Variants in PLXNA1 observed in about 807,000 individuals in gnomAD.
PLXNA1 encodes the protein plexin-A1.
PLXNA1 carries 77 observed loss-of-function variants against 191.7 expected under a neutral mutation model. The ratio of observed to expected loss-of-function variants is 0.40; its 90% confidence interval spans 0.33 to 0.49. The LOEUF is 0.49. Among genes scored for constraint, PLXNA1 ranks in the 20% least tolerant of loss-of-function variants. The pLI is 0.63. For synonymous variants in PLXNA1, 1,137 were observed against 1,156.4 expected (o/e 0.98, Z 0.34); for missense variants, 2,110 against 2,660.2 (o/e 0.79, Z 4.55).
rs944326706 is a variant in PLXNA1, at chr3:127,014,510, C to T, written c.2637C>T (p.Gly879=). 3 of 1,606,796 alleles carry T rather than the reference C, an allele frequency of 1.9e-6. No homozygotes were observed. In the African/African-American group the frequency reaches 4.0e-5, roughly 21 times the overall value. The part of the protein sequence containing the change: ...LSPETGPRQG[G]TRLTITGENL... The stretch of plus-strand genomic sequence containing the variant: ...CCGAGACGGGCCCGAGGCAGGGCGG[C>T]ACGCGGCTCACTATCACAGGCGAGA... Residue 879 remains glycine, a synonymous_variant, in exon 13 of 32, where the codon GGC becomes GGT. Transcript: ENST00000393409.
At position 127,029,778 on chromosome 3, in the gene PLXNA1, T is replaced by C. The variant is rs1039735960; in HGVS notation, c.4871-96T>C. On this transcript the variant is annotated intron_variant, in intron 27 of 31. Coordinates refer to ENST00000393409, the MANE Select transcript of PLXNA1 (RefSeq NM_032242.4). ...CGGCTGCCCCAAAATCCCACATGGG[T>C]GGGGGTGCCATCCCCAGCTTTCAGA... is the stretch of plus-strand genomic sequence containing the variant. The C allele has an allele frequency of 1.2e-5, 16 of 1,381,494 alleles. No homozygotes were observed. In the African/African-American group the frequency reaches 2.3e-4, roughly 20 times the overall value. 85.6% of individuals were successfully genotyped at this position (1,381,494 alleles called of 1,614,324 possible). A position where few individuals can be genotyped will look rare whatever the true frequency, so the allele number is the denominator to read the frequency against.
Position 127,015,244 on chromosome 3 carries a change from G to T in PLXNA1, c.2938G>T (p.Gly980Cys), listed in dbSNP as rs1196923651. The change falls in exon 15 of 32, where the codon GGC (glycine) becomes TGC (cysteine). Residue 980 changes from glycine to cysteine, a missense_variant. This residue lies in a region of PLXNA1 where 644 missense variants were observed against 714.3 expected (regional missense o/e 0.90). Coordinates refer to ENST00000393409, the MANE Select transcript of PLXNA1 (RefSeq NM_032242.4). ...RGPLSGGTWI[G>C]IEGSHLNAGS... ...GCCTCTGTCAGGGGGCACCTGGATT[G>T]GCATCGAGGGAAGCCACCTGAACGC... 1.9e-6 allele frequency: 3 copies of T among 1,613,536 alleles called. No homozygotes were observed. Among genetic ancestry groups the T allele is most frequent in the Non-Finnish European group, 2.5e-6 (3 of 1,179,910 alleles).
chr3:127,011,952 C>G lies in PLXNA1; in HGVS notation c.2113-6C>G, dbSNP rs762997781. 8.1e-6 allele frequency: 13 copies of G among 1,611,870 alleles called. No homozygotes were observed. The African/African-American group carries it at 1.7e-4, about 22-fold the overall frequency. On this transcript the variant is annotated splice_region_variant and splice_polypyrimidine_tract_variant and intron_variant, in intron 9 of 31. Transcript: ENST00000393409. ...CCGGGCTCAGCCAAACTCTTCTTATCCCCAGGACTGCCCACAGATCCTGCC... is the reference window on the plus strand; with the variant it reads ...CCGGGCTCAGCCAAACTCTTCTTATGCCCAGGACTGCCCACAGATCCTGCC...
chr3:126,998,261 G>T (rs1243369355), intron 3 of PLXNA1, among the ~76,000 whole-genome samples: 1 of 152,214 alleles, frequency 6.6e-6, no homozygotes, highest in South Asian at 2.1e-4. Context: ...AGCTGGATGG[G>T]GGGTAGGTGC....
chr3:127,016,637 C>T lies in PLXNA1; in HGVS notation c.3135C>T (p.Thr1045=), dbSNP rs41266469. 318 of 1,614,008 alleles carry T rather than the reference C, an allele frequency of 2.0e-4. No individual in the cohort carries two copies. Among genetic ancestry groups the T allele is most frequent in the South Asian group, 7.8e-4 (71 of 91,084 alleles). Residue 1045 remains threonine, a synonymous_variant, in exon 16 of 32, where the codon ACC becomes ACT. Coordinates refer to ENST00000393409, the MANE Select transcript of PLXNA1 (RefSeq NM_032242.4). ...ACCCTGAGGTGAAGTACAACTACACCGAGGACCCCACCATCCTGAGGATCG... is the reference window on the plus strand; with the variant it reads ...ACCCTGAGGTGAAGTACAACTACACTGAGGACCCCACCATCCTGAGGATCG... ...LTNPEVKYNY[T]EDPTILRIDP... is the part of the protein sequence containing the mutation.
intron 1 of PLXNA1, among the ~76,000 whole-genome samples, 61 bp downstream of exon 1, chr3:126,983,348 G>A (rs1283529131): frequency 1.4e-5 from 2 of 144,920 alleles, no homozygotes; most frequent in South Asian, 2.1e-4. Context: ...GGGCCGGGCT[G>A]GGGTCCGGGG....
At position 127,014,814 on chromosome 3, in the gene PLXNA1, A is replaced by T; in HGVS notation, c.2860A>T (p.Lys954Ter). 6.2e-7 allele frequency: 1 copy of T among 1,612,502 alleles called. No homozygotes were observed. The change falls in exon 14 of 32, where the codon AAG (lysine) becomes TAG (stop). Residue 954 changes from lysine (K) to a stop codon, truncating the protein, a stop_gained. Transcript: ENST00000393409. LOFTEE classifies it high-confidence loss of function. ...CSPHYRALSP[K>*]RFTFVTPTFY... is the part of the protein sequence containing the mutation. ...ACCACACTACCGCGCCCTGTCACCC[A>T]AGCGCTTCACCTTCGTGGTGAGTCT...
chr3:126,992,276 G>C (rs1226529147), intron 3 of PLXNA1, among the ~76,000 whole-genome samples: 5 of 152,136 alleles, frequency 3.3e-5, no homozygotes, highest in African/African-American at 7.2e-5. Context: ...GGCTGGCCTG[G>C]TGTGGAGGAA....
In PLXNA1 at chr3:126,989,549, G is replaced by A. The variant is rs377693045; in HGVS notation, c.956G>A (p.Arg319Gln). The change falls in exon 2 of 32, where the codon CGG becomes CAG. Residue 319 changes from arginine to glutamine, a missense_variant. Arg to Gln is a conservative substitution (Grantham distance 43). Coordinates refer to ENST00000393409, the MANE Select transcript of PLXNA1 (RefSeq NM_032242.4). ...CTGGTGCAGGATGCCTACCTGAGCC[G>A]GCCCGGCCGTGCCCTGGCCCACCAG... ...YRLVQDAYLS[R>Q]PGRALAHQLG... is the part of the protein sequence containing the mutation. The A allele has an allele frequency of 3.5e-5, 57 of 1,613,208 alleles. 1 individual carries two copies. The highest frequency in any genetic ancestry group is 2.3e-4 in the Admixed American group (14 of 60,030).
chr3:127,009,161 G>C (rs1559959483), intron 9 of PLXNA1, among the ~76,000 whole-genome samples: 2 of 152,166 alleles, frequency 1.3e-5, no homozygotes, highest in African/African-American at 2.4e-5. Flanking sequence ...GCGCAGCCCA[G>C]GGTTCGAGCA....
chr3:127,030,560 G>A, intron 29 of PLXNA1, 148 bp downstream of exon 29: 1 of 949,062 alleles, frequency 1.1e-6, no homozygotes, highest in Non-Finnish European at 1.6e-6. Context: ...GGCCAGTCCT[G>A]TGCTAACTGG....
At chr3:127,029,142 G>T in intron 26 of PLXNA1, 46 bp downstream of exon 26, 1 of 1,462,076 alleles carries the variant, frequency 6.8e-7, no homozygotes. Flanking sequence ...CCTCCCCTTG[G>T]GGCTTCCACA....
chr3:127,025,304 G>A (rs1378993994), intron 23 of PLXNA1, among the ~76,000 whole-genome samples: 1 of 152,180 alleles, frequency 6.6e-6, no homozygotes, highest in African/African-American at 2.4e-5. Context: ...ATGTCATGTA[G>A]TGGAATCGTG....
At position 127,028,215 on chromosome 3, in the gene PLXNA1, C is replaced by A. The variant is rs1318559119; in HGVS notation, c.4544C>A (p.Ala1515Glu). Residue 1515 changes from alanine to glutamate, a missense_variant, in exon 25 of 32, where the codon GCA becomes GAA. This residue lies in a region of PLXNA1 where 559 missense variants were observed against 911.5 expected (regional missense o/e 0.61). Coordinates refer to ENST00000393409, the MANE Select transcript of PLXNA1 (RefSeq NM_032242.4). ...LNCVNPENEN[A>E]PEVPVKGLDC... Reference sequence around the variant, plus strand: ...TGTGTGAACCCTGAGAATGAGAATGCACCTGAGGTGCCGGTGAAGGGGCTG... The same window carrying A: ...TGTGTGAACCCTGAGAATGAGAATGAACCTGAGGTGCCGGTGAAGGGGCTG... 3 of 1,613,068 alleles carry A rather than the reference C, an allele frequency of 1.9e-6. No individual in the cohort carries two copies. Among genetic ancestry groups the A allele is most frequent in the Non-Finnish European group, 2.5e-6 (3 of 1,179,998 alleles).
rs1330526950 is a variant in PLXNA1, at chr3:127,028,326, C to CG, written c.4657dup (p.Asp1553GlyfsTer26). 1 of 1,611,118 alleles carries CG rather than the reference C, an allele frequency of 6.2e-7. No individual in the cohort carries two copies. Among genetic ancestry groups the CG allele is most frequent in the Non-Finnish European group, 8.5e-7 (1 of 1,179,616 alleles). On this transcript the variant is annotated frameshift_variant, in exon 25 of 32. Coordinates refer to ENST00000393409, the MANE Select transcript of PLXNA1 (RefSeq NM_032242.4). LOFTEE classifies it high-confidence loss of function. ...CCCTACTCCCAGCGGCCCAAGGCCG[C>CG]GGACATGGACCTGGGTGAGCGGGCG...
At chr3:127,000,282 G>A (rs889389912) in intron 3 of PLXNA1, among the ~76,000 whole-genome samples, 1 of 152,258 alleles carries the variant, frequency 6.6e-6, no homozygotes, top group Middle Eastern at 3.4e-3. Context: ...TCCCATGCCC[G>A]GGACACGTCA....
In PLXNA1 at chr3:126,999,903, T is replaced by C. The variant is rs1047892938; in HGVS notation, c.1378-3427T>C. 2.4e-4 allele frequency among the ~76,000 whole-genome samples: 37 copies of C among 152,036 alleles called. 1 individual carries two copies. Among genetic ancestry groups the C allele is most frequent in the Non-Finnish European group, 1.5e-5 (1 of 67,984 alleles). On this transcript the variant is annotated intron_variant, in intron 3 of 31. Transcript: ENST00000393409. ...GAGGCCTCGGGACTGCACTTCGGTC[T>C]CGGCTCCGAGCCCAGGGTCGACTCG...
At chr3:127,003,259 C>T (rs1184036870) in intron 3 of PLXNA1, 71 bp from the exon 4 acceptor site, 2 of 1,484,872 alleles carry the variant, frequency 1.3e-6, no homozygotes, top group African/African-American at 1.4e-5. Context: ...GACCCCTGAC[C>T]TTCTGTGGGG....
chr3:127,027,816 A>G (rs1444568151), intron 23 of PLXNA1, 124 bp from the exon 24 acceptor site: 1 of 1,304,826 alleles, frequency 7.7e-7, no homozygotes, highest in Non-Finnish European at 1.1e-6. Context: ...CCTCCCAAAG[A>G]GTTGGGAAGT....
Sources: allele counts gnomAD v4.1 joint callset (sites outside exome capture counted in the v4.1 genomes callset), GRCh38; gene constraint gnomAD v4.1.1; regional missense constraint gnomAD v4.1.1; transcripts MANE v1.5; gene names NCBI Gene and HGNC (gene_info 2026-07-23, HGNC 2026-07-21).